The following STRADB variants were observed in gnomAD, a reference collection of about 807,000 sequenced individuals.
STRADB encodes STE20 related adaptor beta.
STRADB carries 34 observed loss-of-function variants against 52.1 expected under a neutral mutation model. The observed-to-expected ratio is 0.65, with a 90% CI of 0.50 to 0.87. STRADB has a LOEUF of 0.87. Ranked by LOEUF, STRADB falls within the 40% of genes least tolerant of loss-of-function variation. The probability of loss-of-function intolerance (pLI) is 0.00; values close to 1 mark genes in which losing one functional copy is unlikely to be tolerated. For synonymous variants in STRADB, 133 were observed against 174.5 expected, an observed-to-expected ratio of 0.76 and a Z score of 1.87; for missense variants, 340 against 483.9, an observed-to-expected ratio of 0.70 and a Z score of 2.79.
intron 7 of STRADB, 69 bp from the exon 8 acceptor site, chr2:201,477,550 C>A: frequency 1.4e-6 from 2 of 1,472,776 alleles, no homozygotes; most frequent in Non-Finnish European, 1.9e-6. Context: ...GGATTTGTTC[C>A]TGCCAGATTT....
At chr2:201,459,659 CACAT>C (rs1420317697) in intron 3 of STRADB, among the ~76,000 whole-genome samples, 1 of 152,188 alleles carries the variant, frequency 6.6e-6, no homozygotes, top group Non-Finnish European at 1.5e-5. Flanking sequence ...CCTAGACACA[CACAT>C]AGTCTTCTCC....
intron 1 of STRADB, 35 bp from the exon 2 acceptor site, chr2:201,454,711 G>A: frequency 1.2e-6 from 1 of 868,602 alleles, no homozygotes. Context: ...GAACTTTTAT[G>A]TGAATCTAAA....
chr2:201,473,486 T>G (rs375215360), intron 5 of STRADB, among the ~76,000 whole-genome samples: 2 of 152,294 alleles, frequency 1.3e-5, no homozygotes, highest in Middle Eastern at 3.4e-3. Flanking sequence ...CTGTAAGAAT[T>G]TTCTCCCCCA....
At chr2:201,459,723 C>G (rs1406817280) in intron 3 of STRADB, among the ~76,000 whole-genome samples, 1 of 152,182 alleles carries the variant, frequency 6.6e-6, no homozygotes, top group Non-Finnish European at 1.5e-5. Context: ...TACAGGCCTG[C>G]TTGTATCGCT....
chr2:201,477,983 T>C (rs570599045), intron 8 of STRADB, 104 bp from the exon 9 acceptor site: 23 of 1,202,346 alleles, frequency 1.9e-5, no homozygotes, highest in Non-Finnish European at 2.5e-5. Context: ...CTTATGGGTT[T>C]CTTTTCCATT....
At chr2:201,455,483 G>A (rs1235634494) in intron 2 of STRADB, among the ~76,000 whole-genome samples, 1 of 152,080 alleles carries the variant, frequency 6.6e-6, no homozygotes, top group Non-Finnish European at 1.5e-5. Context: ...AGGGGCCAAG[G>A]CTAGAGAATC....
At chr2:201,468,367 A>G (rs991696004) in intron 3 of STRADB, among the ~76,000 whole-genome samples, 11 of 152,062 alleles carry the variant, frequency 7.2e-5, no homozygotes, top group Admixed American at 6.5e-4. Context: ...TCACCTATTG[A>G]ATAATTTGAT....
At chr2:201,476,799 A>T in intron 7 of STRADB, among the ~76,000 whole-genome samples, 1 of 149,142 alleles carries the variant, frequency 6.7e-6, no homozygotes. Context: ...AGATGGTGAA[A>T]CCCTGTCTCT....
intron 3 of STRADB, among the ~76,000 whole-genome samples, chr2:201,459,640 C>T (rs1038930118): frequency 6.6e-6 from 1 of 152,186 alleles, no homozygotes; most frequent in Non-Finnish European, 1.5e-5. Flanking sequence ...GACTCCTTGC[C>T]TCTAGGCTCC....
intron 2 of STRADB, among the ~76,000 whole-genome samples, chr2:201,456,286 T>G (rs1263086306): frequency 6.6e-6 from 1 of 152,196 alleles, no homozygotes; most frequent in Non-Finnish European, 1.5e-5. Context: ...AAGGATTACT[T>G]AAGATTTACA....
At chr2:201,465,658 C>G (rs1952289682) in intron 3 of STRADB, among the ~76,000 whole-genome samples, 1 of 152,224 alleles carries the variant, frequency 6.6e-6, no homozygotes, top group Admixed American at 6.5e-5. Context: ...CCAAGCCCAG[C>G]ACAGCACCAG....
chr2:201,473,214 A>C, intron 5 of STRADB, 138 bp downstream of exon 5: 1 of 752,904 alleles, frequency 1.3e-6, no homozygotes, highest in Non-Finnish European at 1.9e-6. Context: ...AATAAAACAC[A>C]GCATAACTAT....
intron 3 of STRADB, among the ~76,000 whole-genome samples, chr2:201,461,387 G>A (rs969268925): frequency 9.2e-5 from 14 of 152,030 alleles, no homozygotes; most frequent in African/African-American, 1.4e-4. Flanking sequence ...TGACCAGGCC[G>A]ATCTTGAACT....
At chr2:201,477,139 A>C (rs1387471402) in intron 7 of STRADB, among the ~76,000 whole-genome samples, 11 of 116,634 alleles carry the variant, frequency 9.4e-5, no homozygotes, top group Non-Finnish European at 1.1e-4. Flanking sequence ...ATCTTGGCTC[A>C]CTGCAAGCTC....
At chr2:201,479,638 T>C in intron 11 of STRADB, 107 bp downstream of exon 11, 1 of 1,095,522 alleles carries the variant, frequency 9.1e-7, no homozygotes, top group Non-Finnish European at 1.3e-6. Context: ...TTCTTACTAA[T>C]AACTTTGTTA....
intron 1 of STRADB, among the ~76,000 whole-genome samples, chr2:201,452,337 C>T (rs116002494): frequency 0.012 from 1,756 of 152,318 alleles, 15 homozygotes; most frequent in Non-Finnish European, 0.013. Flanking sequence ...GCTCTATCTG[C>T]CGCCTTCTGC....
Position 201,472,936 on chromosome 2 carries a change from G to A in STRADB, c.194-19G>A, listed in dbSNP as rs1168737749. 2.5e-6 allele frequency: 4 copies of A among 1,586,910 alleles called. No homozygotes were observed. In the Admixed American group the frequency reaches 5.4e-5, roughly 22 times the overall value. ...TTTTCTTCTTTGGTTACTAACATGA[G>A]TTTTATGTCTGATTACAGGAAGAGG... On this transcript the variant is annotated intron_variant, in intron 4 of 11. Coordinates refer to ENST00000194530, the MANE Select transcript of STRADB (RefSeq NM_018571.6).
At chr2:201,465,655 C>T (rs888455851) in intron 3 of STRADB, among the ~76,000 whole-genome samples, 31 of 152,236 alleles carry the variant, frequency 2.0e-4, no homozygotes, top group Non-Finnish European at 4.3e-4. Flanking sequence ...GCTCCAAGCC[C>T]AGCACAGCAC....
intron 10 of STRADB, 177 bp from the exon 11 acceptor site, chr2:201,479,312 C>G: frequency 1.7e-6 from 1 of 589,370 alleles, no homozygotes. Flanking sequence ...GATACCTCTA[C>G]AATTATTTCC....
Sources: gnomAD v4.1 joint callset for allele counts (sites outside exome capture counted in the v4.1 genomes callset) on GRCh38, gnomAD v4.1.1 for gene constraint, MANE v1.5 for transcripts, NCBI Gene and HGNC (gene_info 2026-07-23, HGNC 2026-07-21) for gene names.